PDE1A: variants seen among roughly 807,000 people sequenced by gnomAD.
The protein encoded by PDE1A is phosphodiesterase 1A, also known as dual specificity calcium/calmodulin-dependent 3',5'-cyclic nucleotide phosphodiesterase 1A.
A neutral mutation model predicts 61.7 loss-of-function variants in PDE1A; 35 were observed. The ratio of observed to expected loss-of-function variants is 0.57; its 90% CI spans 0.43 to 0.75. PDE1A has a LOEUF of 0.75. Ranked by LOEUF, PDE1A falls within the 30% of genes least tolerant of loss-of-function variation. The pLI is 0.00. For synonymous variants in PDE1A, 232 were observed against 213.2 expected (o/e 1.09, Z -0.77); for missense variants, 597 against 630.6 (o/e 0.95, Z 0.57).
chr2:182,514,905 CA>C (rs1179477566), intron 2 of PDE1A, among the ~76,000 whole-genome samples: 1 of 152,160 alleles, frequency 6.6e-6, no homozygotes, highest in Non-Finnish European at 1.5e-5. Flanking sequence ...TATAGTTCTG[CA>C]GTTTTGAAGG....
chr2:182,674,986 A>C, the PDE1A span, among the ~76,000 whole-genome samples: 1 of 152,136 alleles, frequency 6.6e-6, no homozygotes, highest in Non-Finnish European at 1.5e-5. Flanking sequence ...TCAGAGGTAC[A>C]TGTGCAGGTT....
At chr2:182,392,883 T>C (rs1701497549) in intron 1 of PDE1A, among the ~76,000 whole-genome samples, 1 of 152,268 alleles carries the variant, frequency 6.6e-6, no homozygotes, top group African/African-American at 2.4e-5. Flanking sequence ...TCTGCCCCTG[T>C]GGCTTTGCAG....
chr2:182,328,837 AT>A (rs1697218525), intron 1 of PDE1A, among the ~76,000 whole-genome samples: 1 of 152,182 alleles, frequency 6.6e-6, no homozygotes, highest in Non-Finnish European at 1.5e-5. Context: ...TCTCTGCATT[AT>A]TTAGAATCAA....
intron 1 of PDE1A, among the ~76,000 whole-genome samples, chr2:182,301,465 T>C (rs1695238682): frequency 6.6e-6 from 1 of 152,200 alleles, no homozygotes; most frequent in Non-Finnish European, 1.5e-5. Flanking sequence ...GCTTCCCATG[T>C]TCCACTTTCA....
At chr2:182,322,880 G>A (rs75789874) in intron 1 of PDE1A, among the ~76,000 whole-genome samples, 1 of 152,122 alleles carries the variant, frequency 6.6e-6, no homozygotes, top group African/African-American at 2.4e-5. Context: ...CTAGGCTGTA[G>A]ACCCAGAAAT....
At chr2:182,681,157 G>GT in the PDE1A span, among the ~76,000 whole-genome samples, 775 of 143,104 alleles carry the variant, frequency 5.4e-3, 6 homozygotes, top group African/African-American at 0.017. Flanking sequence ...TGTTTTTTTT[G>GT]TTTTTTTTTT....
the PDE1A span, among the ~76,000 whole-genome samples, chr2:182,713,508 G>A: frequency 6.6e-6 from 1 of 152,146 alleles, no homozygotes. Context: ...GCATGTGCCT[G>A]TAATCCCCAC....
chr2:182,243,418 A>G (rs1690709019), intron 2 of PDE1A, among the ~76,000 whole-genome samples: 1 of 152,174 alleles, frequency 6.6e-6, no homozygotes. Context: ...TCTATTCCAG[A>G]TAGAAAGAAG....
At chr2:182,566,070 A>G in the PDE1A span, among the ~76,000 whole-genome samples, 1 of 152,150 alleles carries the variant, frequency 6.6e-6, no homozygotes, top group Non-Finnish European at 1.5e-5. Context: ...AAGAGATTTC[A>G]AGGGTGGTTC....
intron 1 of PDE1A, among the ~76,000 whole-genome samples, chr2:182,305,979 A>T (rs993912417): frequency 2.6e-5 from 4 of 152,148 alleles, no homozygotes; most frequent in African/African-American, 7.2e-5. Context: ...AGAGTTCAAA[A>T]AATTTATTTC....
At chr2:182,377,308 C>T (rs1165836432) in intron 1 of PDE1A, among the ~76,000 whole-genome samples, 1 of 152,074 alleles carries the variant, frequency 6.6e-6, no homozygotes, top group African/African-American at 2.4e-5. Context: ...ACCCCCTGAC[C>T]CTTTATCTTT....
chr2:182,418,555 C>T (rs568692603), intron 1 of PDE1A, among the ~76,000 whole-genome samples: 1 of 152,204 alleles, frequency 6.6e-6, no homozygotes, highest in South Asian at 2.1e-4. Context: ...AAACTATGTG[C>T]TTTTTCTTCA....
At chr2:182,197,388 A>C (rs1299765963) in intron 10 of PDE1A, among the ~76,000 whole-genome samples, 1 of 151,112 alleles carries the variant, frequency 6.6e-6, no homozygotes, top group Non-Finnish European at 1.5e-5. Flanking sequence ...GGAAGATCAG[A>C]AGTTTTGAGT....
the PDE1A span, among the ~76,000 whole-genome samples, chr2:182,532,945 C>CAAAAAAAAAAAAAAAAA: frequency 4.7e-5 from 1 of 21,176 alleles, no homozygotes; most frequent in Non-Finnish European, 7.9e-5. Context: ...GACTCCGTCT[C>CAAAAAAAAAAAAAAAAA]AAAAAAAAAA....
chr2:182,515,954 C>G (rs4369824), intron 2 of PDE1A, among the ~76,000 whole-genome samples: 12 of 130,432 alleles, frequency 9.2e-5, no homozygotes, highest in East Asian at 9.0e-4. Context: ...GTGTGTGTTT[C>G]TGTGTGTGTG....
intron 13 of PDE1A, among the ~76,000 whole-genome samples, chr2:182,169,944 CCTCT>C (rs772122359): frequency 2.6e-4 from 31 of 119,098 alleles, no homozygotes; most frequent in East Asian, 7.4e-4. Context: ...ACACACTCTC[CCTCT>C]CTCTCTTTCT....
upstream of PDE1A, among the ~76,000 whole-genome samples, chr2:182,430,452 AAAC>A (rs1703876997): frequency 1.3e-5 from 1 of 79,688 alleles, no homozygotes; most frequent in African/African-American, 4.7e-5. Context: ...AAAAGTCAGG[AAAC>A]AACAGGTGCT....
intron 1 of PDE1A, among the ~76,000 whole-genome samples, chr2:182,351,004 A>G (rs1352981161): frequency 6.6e-6 from 1 of 152,210 alleles, no homozygotes; most frequent in East Asian, 1.9e-4. Flanking sequence ...GATAAATGCA[A>G]GTTTGGCTTA....
At chr2:182,580,577 G>A in the PDE1A span, among the ~76,000 whole-genome samples, 1 of 152,132 alleles carries the variant, frequency 6.6e-6, no homozygotes, top group Non-Finnish European at 1.5e-5. Context: ...TGGGGGTGGA[G>A]AGCCAGGGGA....
Sources: gnomAD v4.1 joint callset for allele counts (sites outside exome capture counted in the v4.1 genomes callset) on GRCh38, gnomAD v4.1.1 for gene constraint, MANE v1.5 for transcripts, NCBI Gene and HGNC (gene_info 2026-07-23, HGNC 2026-07-21) for gene names.